CASP10: variants seen among roughly 807,000 people sequenced by gnomAD.
The protein encoded by CASP10 is caspase-10.
A neutral mutation model predicts 48.5 loss-of-function variants in CASP10; 41 were observed. The observed-to-expected ratio is 0.85, with a 90% CI of 0.66 to 1.10. CASP10 has a LOEUF of 1.10. Ranked by LOEUF, CASP10 falls within the 50% of genes least tolerant of loss-of-function variation. The pLI is 0.00. For missense variants in CASP10, 614 were observed against 614.5 expected (o/e 1.00, Z 0.01); for synonymous variants, 232 against 238.4 (o/e 0.97, Z 0.25).
In CASP10 at chr2:201,217,871, C is replaced by T; in HGVS notation, c.*130C>T. ...ACAGGAAACACCGTGTTTTCTGACACAGTCAATTCTGATTTTCTTTTTCTT... is the reference window on the plus strand; with the variant it reads ...ACAGGAAACACCGTGTTTTCTGACATAGTCAATTCTGATTTTCTTTTTCTT... On this transcript the variant is annotated 3_prime_UTR_variant, in exon 10 of 10. Coordinates refer to ENST00000286186, the MANE Select transcript of CASP10 (RefSeq NM_032977.4). 1.3e-6 allele frequency: 2 copies of T among 1,581,928 alleles called. No homozygotes were observed. The highest frequency in any genetic ancestry group is 1.2e-5 in the South Asian group (1 of 86,118).
chr2:201,205,954 ACT>A lies in CASP10; in HGVS notation c.797_798del (p.Ser266Ter), dbSNP rs1372032980. ...CAAGGAGCATCTGCTAACACTCTAA[ACT>A]CTGAAACCAGCACAAAGGTCTGGAT... On this transcript the variant is annotated frameshift_variant, in exon 7 of 10. Coordinates refer to ENST00000286186, the MANE Select transcript of CASP10 (RefSeq NM_032977.4). LOFTEE classifies it high-confidence loss of function. 1.9e-6 allele frequency: 3 copies of A among 1,611,370 alleles called. No individual in the cohort carries two copies. Among genetic ancestry groups the A allele is most frequent in the East Asian group, 4.5e-5 (2 of 44,834 alleles).
At chr2:201,206,932 T>C (rs1945226750) in intron 7 of CASP10, among the ~76,000 whole-genome samples, 1 of 152,206 alleles carries the variant, frequency 6.6e-6, no homozygotes, top group Non-Finnish European at 1.5e-5. Context: ...AAACCCTGGG[T>C]TTGACAATAT....
rs1005256398 is a variant in CASP10 at position 201,220,860 on chromosome 2, T to A, written c.*3119T>A. The A allele has an allele frequency of 1.4e-5, 14 of 985,352 alleles. No homozygotes were observed. The African/African-American group carries it at 2.4e-4, about 17-fold the overall frequency. The allele number at this position is 985,352 out of a possible 1,614,324, so 61.0% of individuals were successfully genotyped here. On this transcript the variant is annotated 3_prime_UTR_variant, in exon 10 of 10. Transcript: ENST00000286186. ...TGAAGGCAAGTGAAGGATGGTGAGA[T>A]ACTGAGGAAAGAGCAAAGGATCTGG...
chr2:201,204,113 G>T (rs1348904847), intron 6 of CASP10, among the ~76,000 whole-genome samples: 2 of 152,204 alleles, frequency 1.3e-5, no homozygotes, highest in African/African-American at 4.8e-5. Context: ...AGTGACAGCA[G>T]AATGTGCAGT....
chr2:201,205,073 A>G (rs1945152379), intron 6 of CASP10, among the ~76,000 whole-genome samples: 1 of 152,156 alleles, frequency 6.6e-6, no homozygotes, highest in South Asian at 2.1e-4. Context: ...TGTTAGTGCC[A>G]TGTGACAAAT....
chr2:201,220,030 A>C lies in CASP10; in HGVS notation c.*2289A>C, dbSNP rs41369551. 6.7e-3 allele frequency: 6,607 copies of C among 985,458 alleles called. 35 individuals are homozygous for C. The highest frequency in any genetic ancestry group is 7.4e-3 in the Non-Finnish European group (6,169 of 829,906). 61.0% of individuals were successfully genotyped at this position (985,458 alleles called of 1,614,324 possible). A position where few individuals can be genotyped will look rare whatever the true frequency, so the allele number is the denominator to read the frequency against. ...AACTCTCAGTGGTGCCTGCATTTATAATTATTTATGTGAAAGTCAAATTCA... is the reference window on the plus strand; with the variant it reads ...AACTCTCAGTGGTGCCTGCATTTATCATTATTTATGTGAAAGTCAAATTCA... On this transcript the variant is annotated 3_prime_UTR_variant, in exon 10 of 10. Transcript: ENST00000286186.
At chr2:201,200,544 G>A (rs756004323) in intron 5 of CASP10, 6 of 1,596,746 alleles carry the variant, frequency 3.8e-6, no homozygotes, top group Middle Eastern at 1.7e-4. Flanking sequence ...CCCACCTGAA[G>A]ACTATGCAGG....
intron 5 of CASP10, among the ~76,000 whole-genome samples, chr2:201,199,531 TTGTATTTAGTTGTCA>T (rs779333003): frequency 7.9e-5 from 12 of 151,632 alleles, no homozygotes; most frequent in Non-Finnish European, 1.5e-4. Context: ...CAATACAATA[TTGTATTTAGTTGTCA>T]TGATCCTTTA....
chr2:201,198,270 C>G (rs1279673648), intron 5 of CASP10, among the ~76,000 whole-genome samples: 1 of 149,138 alleles, frequency 6.7e-6, no homozygotes, highest in Admixed American at 6.7e-5. Context: ...GTCGCCCAGG[C>G]TGGAGTGCAG....
chr2:201,208,256 T>G, intron 8 of CASP10, 73 bp downstream of exon 8: 1 of 1,533,688 alleles, frequency 6.5e-7, no homozygotes, highest in Non-Finnish European at 8.8e-7. Context: ...TCACATTTTC[T>G]TTCTGTGACT....
chr2:201,206,063 C>T, intron 7 of CASP10, 90 bp downstream of exon 7: 1 of 748,588 alleles, frequency 1.3e-6, no homozygotes, highest in Non-Finnish European at 2.3e-6. Context: ...GGCTCTCTCC[C>T]TAGGGTCCAG....
chr2:201,223,401 G>A (rs1024514145), downstream of CASP10, among the ~76,000 whole-genome samples: 1 of 152,168 alleles, frequency 6.6e-6, no homozygotes, highest in African/African-American at 2.4e-5. Context: ...TGACCCTGCA[G>A]TCCAGCCCTC....
At chr2:201,184,828 TG>T (rs201718314) in intron 1 of CASP10, among the ~76,000 whole-genome samples, 12 of 152,150 alleles carry the variant, frequency 7.9e-5, no homozygotes, top group African/African-American at 2.2e-4. Context: ...TCATGTAATT[TG>T]TTTTTTTTTA....
chr2:201,216,880 C>T (rs541761603), intron 9 of CASP10, among the ~76,000 whole-genome samples: 7 of 152,256 alleles, frequency 4.6e-5, no homozygotes, highest in Non-Finnish European at 8.8e-5. Context: ...ACCCTGAGAA[C>T]GTTCTGCTAA....
chr2:201,219,648 G>A lies in CASP10; in HGVS notation c.*1907G>A, dbSNP rs1486656936. On this transcript the variant is annotated 3_prime_UTR_variant, in exon 10 of 10. Transcript: ENST00000286186. ...TGGCTTGCCTGAAGGGAGTGGCTCT[G>A]TAAGGACGCCTTGATGCTTTCTTCA... The A allele has an allele frequency of 9.1e-6, 9 of 983,676 alleles. No individual in the cohort carries two copies. Among genetic ancestry groups the A allele is most frequent in the African/African-American group, 1.8e-5 (1 of 56,690 alleles). The allele number at this position is 983,676 out of a possible 1,614,324, so 60.9% of individuals were successfully genotyped here.
At chr2:201,184,567 A>T (rs1576055690) in intron 1 of CASP10, among the ~76,000 whole-genome samples, 1 of 152,116 alleles carries the variant, frequency 6.6e-6, no homozygotes, top group Non-Finnish European at 1.5e-5. Context: ...CAAGTGATCC[A>T]CCCGCCTTGG....
rs756471272 is a variant in CASP10, at chr2:201,209,270, C to A, written c.1123C>A (p.Arg375=). 5 of 1,614,014 alleles carry A rather than the reference C, an allele frequency of 3.1e-6. No homozygotes were observed. The African/African-American group carries it at 6.7e-5, about 22-fold the overall frequency. ...TTCGGATGAGGCCCTCATTCCCATTCGGGAGATCATGTCTCACTTCACAGC... is the reference window on the plus strand; with the variant it reads ...TTCGGATGAGGCCCTCATTCCCATTAGGGAGATCATGTCTCACTTCACAGC... ...YSSDEALIPI[R]EIMSHFTALQ... is the part of the protein sequence containing the mutation. The change falls in exon 9 of 10, where the codon CGG becomes AGG. Residue 375 remains arginine (R), a synonymous_variant. Coordinates refer to ENST00000286186, the MANE Select transcript of CASP10 (RefSeq NM_032977.4).
Position 201,185,994 on chromosome 2 carries a change from G to A in CASP10, c.217G>A (p.Glu73Lys). The A allele has an allele frequency of 6.2e-7, 1 of 1,613,678 alleles. No homozygotes were observed. The highest frequency in any genetic ancestry group is 8.5e-7 in the Non-Finnish European group (1 of 1,179,800). Residue 73 changes from glutamate (E) to lysine (K), a missense_variant, in exon 2 of 10, where the codon GAG becomes AAG. Transcript: ENST00000286186. ...TCTCTTGGCAGAGGATCTGCTGAGT[G>A]AGGAAGACCCTTTCTTCCTGGCAGA... is the stretch of plus-strand genomic sequence containing the variant. Reference protein sequence around the residue: ...EHLLAEDLLSEEDPFFLAELL... With the variant: ...EHLLAEDLLSKEDPFFLAELL...
intron 7 of CASP10, 83 bp from the exon 8 acceptor site, chr2:201,207,992 T>G: frequency 1.1e-6 from 1 of 883,026 alleles, no homozygotes; most frequent in South Asian, 1.3e-5. Context: ...TTCCTCACAG[T>G]GGATCCATTG....
Sources: gnomAD v4.1 joint callset for allele counts (sites outside exome capture counted in the v4.1 genomes callset) on GRCh38, gnomAD v4.1.1 for gene constraint, MANE v1.5 for transcripts, NCBI Gene and HGNC (gene_info 2026-07-23, HGNC 2026-07-21) for gene names.